Variants in SOX5 observed in about 807,000 individuals in gnomAD.
SOX5 encodes the protein transcription factor SOX-5.
A neutral mutation model predicts 92.0 loss-of-function variants in SOX5; 9 were observed. That is an observed-to-expected ratio of 0.10 (90% confidence interval 0.06 to 0.17). The LOEUF is 0.17. Among genes scored for constraint, SOX5 ranks in the 10% least tolerant of loss-of-function variants. SOX5 has a pLI of 1.00. For synonymous variants in SOX5, 344 were observed against 336.3 expected (o/e 1.02, Z -0.25); for missense variants, 642 against 944.5 (o/e 0.68, Z 4.20).
intron 1 of SOX5, among the ~76,000 whole-genome samples, chr12:24,418,658 G>T (rs1965423715): frequency 6.6e-6 from 1 of 152,164 alleles, no homozygotes; most frequent in Admixed American, 6.5e-5. Flanking sequence ...GAAAAGGCCA[G>T]CCCAATAATC....
At chr12:24,057,648 T>G (rs1207058738) in intron 4 of SOX5, among the ~76,000 whole-genome samples, 4 of 152,192 alleles carry the variant, frequency 2.6e-5, no homozygotes, top group African/African-American at 9.7e-5. Context: ...CTTTCTTAAT[T>G]TTCTTCAATA....
chr12:23,773,235 C>A (rs565697208), intron 3 of SOX5, among the ~76,000 whole-genome samples: 57 of 152,102 alleles, frequency 3.7e-4, no homozygotes, highest in African/African-American at 1.3e-3. Flanking sequence ...AATTTCTTGG[C>A]CCTTATCTGT....
intron 4 of SOX5, among the ~76,000 whole-genome samples, chr12:24,159,405 ATATT>A (rs1952525244): frequency 6.6e-6 from 1 of 152,030 alleles, no homozygotes; most frequent in African/African-American, 2.4e-5. Context: ...CTTAAGAAAA[ATATT>A]TATTTTGTAA....
At position 23,533,929 on chromosome 12, in the gene SOX5, C is replaced by T. The variant is rs1202672588; in HGVS notation, c.*290G>A. 9 of 241,366 alleles carry T rather than the reference C, an allele frequency of 3.7e-5. No homozygotes were observed. Among genetic ancestry groups the T allele is most frequent in the South Asian group, 2.0e-4 (2 of 10,246 alleles). The allele number at this position is 241,366 out of a possible 1,614,324, so 15.0% of individuals were successfully genotyped here. A position where few individuals can be genotyped will look rare whatever the true frequency, so the allele number is the denominator to read the frequency against. Reference sequence around the variant, plus strand: ...TTATTTAAAAAAAAAAAAAAGTTGACGGGTAAGACTTCAGTGCTTGGATGT... The same window carrying T: ...TTATTTAAAAAAAAAAAAAAGTTGATGGGTAAGACTTCAGTGCTTGGATGT... On this transcript the variant is annotated 3_prime_UTR_variant, in exon 15 of 15. Transcript: ENST00000451604.
At chr12:24,326,458 G>GTA (rs10644922) in intron 2 of SOX5, among the ~76,000 whole-genome samples, 132,955 of 151,962 alleles carry the variant, frequency 0.87, 58,456 homozygotes, top group East Asian at 0.98. Context: ...TCGCACTTGT[G>GTA]TATGTTTATC....
chr12:23,644,776 C>T (rs1040308754), intron 7 of SOX5, among the ~76,000 whole-genome samples: 2 of 152,074 alleles, frequency 1.3e-5, no homozygotes, highest in Non-Finnish European at 2.9e-5. Context: ...TATAATAGGA[C>T]ATTTAGATAT....
At chr12:23,856,881 A>G (rs2096697778) in intron 2 of SOX5, among the ~76,000 whole-genome samples, 1 of 152,122 alleles carries the variant, frequency 6.6e-6, no homozygotes, top group Admixed American at 6.5e-5. Flanking sequence ...CTCTTTTAGG[A>G]TTGTTCATTT....
At chr12:24,287,456 T>A (rs1946018200) in intron 2 of SOX5, among the ~76,000 whole-genome samples, 1 of 152,156 alleles carries the variant, frequency 6.6e-6, no homozygotes, top group South Asian at 2.1e-4. Context: ...TCCTTGCCGC[T>A]GTCAGCCAAG....
intron 4 of SOX5, among the ~76,000 whole-genome samples, chr12:24,082,005 G>A (rs114552071): frequency 2.9e-3 from 443 of 151,968 alleles, no homozygotes; most frequent in African/African-American, 9.8e-3. Flanking sequence ...TTTTCCCACC[G>A]TTACTGTTAT....
At chr12:23,750,972 A>C (rs1246283681) in intron 4 of SOX5, among the ~76,000 whole-genome samples, 1 of 151,902 alleles carries the variant, frequency 6.6e-6, no homozygotes, top group Non-Finnish European at 1.5e-5. Context: ...TTTTATAGAC[A>C]TTGTCAAACT....
intron 4 of SOX5, among the ~76,000 whole-genome samples, chr12:24,089,568 T>G (rs1351028755): frequency 2.0e-5 from 3 of 152,168 alleles, no homozygotes; most frequent in Admixed American, 2.0e-4. Flanking sequence ...ATTATTTTTA[T>G]AATTAACTAC....
In SOX5 at chr12:24,337,192, T is replaced by C. The variant is rs555490861; in HGVS notation, c.-174+31371A>G. Among the ~76,000 whole-genome samples the C allele has an allele frequency of 3.0e-4, 45 of 152,288 alleles. No individual in the cohort carries two copies. The South Asian group carries it at 6.0e-3, about 20-fold the overall frequency. ...TGAGAGAAAATTAGCAGGTTTTTTT[T>C]GTACACATGGCTTTCAACATCTGAG... On this transcript the variant is annotated intron_variant, in intron 2 of 4. Transcript: ENST00000446891.
chr12:23,913,315 T>G (rs2097372116), intron 1 of SOX5, among the ~76,000 whole-genome samples: 1 of 152,106 alleles, frequency 6.6e-6, no homozygotes, highest in Non-Finnish European at 1.5e-5. Flanking sequence ...ACATTGTTGT[T>G]AGATCTACAT....
intron 10 of SOX5, among the ~76,000 whole-genome samples, chr12:23,565,267 T>C (rs1316177186): frequency 2.0e-5 from 3 of 152,194 alleles, no homozygotes; most frequent in African/African-American, 7.2e-5. Context: ...ATTCTTAATG[T>C]ATAATTCTTG....
intron 1 of SOX5, among the ~76,000 whole-genome samples, chr12:24,435,622 G>A (rs574279116): frequency 2.4e-4 from 37 of 152,266 alleles, no homozygotes; most frequent in African/African-American, 7.9e-4. Context: ...AGCAAAAGAA[G>A]TTATTTTGTC....
At position 24,416,045 on chromosome 12, in the gene SOX5, A is replaced by C. The variant is rs2136864124; in HGVS notation, c.-250-47406T>G. Among the ~76,000 whole-genome samples, 3 of 152,338 alleles carry C rather than the reference A, an allele frequency of 2.0e-5. No homozygotes were observed. The South Asian group carries it at 6.2e-4, about 32-fold the overall frequency. On this transcript the variant is annotated intron_variant, in intron 1 of 4. Transcript: ENST00000446891. ...GAAATTCTTGGATCAGAAGGAGAGA[A>C]ACGGGAAGACTTGGAGCTGCAGTGA...
intron 4 of SOX5, among the ~76,000 whole-genome samples, chr12:23,996,275 CAAA>C (rs1016853779): frequency 6.6e-6 from 1 of 151,990 alleles, no homozygotes; most frequent in Non-Finnish European, 1.5e-5. Flanking sequence ...AAATATAAAC[CAAA>C]ACCACAATGA....
chr12:23,711,749 T>C (rs945067664), intron 6 of SOX5, among the ~76,000 whole-genome samples: 6 of 152,304 alleles, frequency 3.9e-5, no homozygotes, highest in African/African-American at 1.4e-4. Context: ...ATTATATTGA[T>C]AAAGTAATTA....
intron 1 of SOX5, among the ~76,000 whole-genome samples, chr12:24,558,369 C>G (rs962805765): frequency 6.6e-6 from 1 of 152,058 alleles, no homozygotes; most frequent in Non-Finnish European, 1.5e-5. Flanking sequence ...AACAACCCCC[C>G]GCGAAATTCC....
Sources: gnomAD v4.1 joint callset for allele counts (sites outside exome capture counted in the v4.1 genomes callset) on GRCh38, gnomAD v4.1.1 for gene constraint, MANE v1.5 for transcripts, NCBI Gene and HGNC (gene_info 2026-07-23, HGNC 2026-07-21) for gene names.